Variants in ARID3A observed in about 807,000 individuals in gnomAD.
The protein encoded by ARID3A is AT-rich interaction domain 3A.
Under a neutral mutation model 52.7 loss-of-function variants are expected in ARID3A, and 11 were observed. The ratio of observed to expected loss-of-function variants is 0.21; its 90% confidence interval spans 0.13 to 0.35. The LOEUF is 0.35. Among genes scored for constraint, ARID3A ranks in the 10% least tolerant of loss-of-function variants. ARID3A has a pLI of 1.00. For synonymous variants in ARID3A, 404 were observed against 359.4 expected (o/e 1.12, Z -1.40); for missense variants, 721 against 838.5 (o/e 0.86, Z 1.73).
chr19:949,193 C>T (rs563751485), intron 3 of ARID3A, among the ~76,000 whole-genome samples: 6,703 of 152,228 alleles, frequency 0.044, 301 homozygotes, highest in African/African-American at 0.12. Context: ...AGAGCAGGGC[C>T]CCAGGGGTGT....
At position 974,790 on chromosome 19, in the gene ARID3A, C is replaced by T. The variant is rs1401502604; in HGVS notation, c.*2725C>T. The T allele has an allele frequency of 5.1e-5, 11 of 215,960 alleles. No homozygotes were observed. The highest frequency in any genetic ancestry group is 1.9e-4 in the South Asian group (1 of 5,228). 13.4% of individuals were successfully genotyped at this position (215,960 alleles called of 1,614,324 possible). A position where few individuals can be genotyped will look rare whatever the true frequency, so the allele number is the denominator to read the frequency against. The stretch of plus-strand genomic sequence containing the variant: ...CGTGTCTGTGGGCGATCCGGCCTCC[C>T]GGCGGTGGGTGGACCTGGATTCTAA... On this transcript the variant is annotated 3_prime_UTR_variant, in exon 9 of 9. Coordinates refer to ENST00000263620, the MANE Select transcript of ARID3A (RefSeq NM_005224.3).
chr19:970,256 T>C (rs1251578052), intron 8 of ARID3A, among the ~76,000 whole-genome samples: 1 of 151,572 alleles, frequency 6.6e-6, no homozygotes, highest in Non-Finnish European at 1.5e-5. Context: ...AAGGTTGCAG[T>C]GAGCCGAGAT....
At chr19:939,413 G>T (rs760918000) in intron 3 of ARID3A, among the ~76,000 whole-genome samples, 1 of 152,096 alleles carries the variant, frequency 6.6e-6, no homozygotes, top group African/African-American at 2.4e-5. Flanking sequence ...CACCGCGCCC[G>T]GCCTCTCGAT....
chr19:932,429 G>A lies in ARID3A; in HGVS notation c.380G>A (p.Trp127Ter), dbSNP rs776667346. The A allele has an allele frequency of 6.3e-7, 1 of 1,591,950 alleles. No homozygotes were observed. Reference sequence around the variant, plus strand: ...TCTGCTCACCCCAGGAAGCCCAAATGGGAGGAGGAGGAGATGGAGGAAGAC... The same window carrying A: ...TCTGCTCACCCCAGGAAGCCCAAATAGGAGGAGGAGGAGATGGAGGAAGAC... ...MASDEDMKPK[W>*]EEEEMEEDLG... Residue 127 changes from tryptophan (W) to a stop codon, truncating the protein, a stop_gained, in exon 3 of 9, where the codon TGG becomes TAG. Coordinates refer to ENST00000263620, the MANE Select transcript of ARID3A (RefSeq NM_005224.3). LOFTEE classifies it high-confidence loss of function.
rs544004819 is a variant in ARID3A, at chr19:949,600, G to A, written c.694-10492G>A. 8.7e-4 allele frequency among the ~76,000 whole-genome samples: 132 copies of A among 151,026 alleles called. 4 individuals are homozygous for A. The South Asian group carries it at 0.014, about 16-fold the overall frequency. ...GCTGGGATTATAGGCAGGAGCCGCC[G>A]CCCCTGGCCTTTCCCCTCCCTCCAG... On this transcript the variant is annotated intron_variant, in intron 3 of 8. Coordinates refer to ENST00000263620, the MANE Select transcript of ARID3A (RefSeq NM_005224.3).
At chr19:955,030 T>C (rs1255713976) in intron 3 of ARID3A, among the ~76,000 whole-genome samples, 2 of 152,094 alleles carry the variant, frequency 1.3e-5, no homozygotes, top group Non-Finnish European at 2.9e-5. Flanking sequence ...GGGTGTGTGG[T>C]GGGCGGCTGA....
chr19:954,312 G>A (rs894992648), intron 3 of ARID3A, among the ~76,000 whole-genome samples: 23 of 152,332 alleles, frequency 1.5e-4, no homozygotes, highest in African/African-American at 5.5e-4. Flanking sequence ...CTGGGAAGGG[G>A]AGACGATGGG....
chr19:929,452 G>A lies in ARID3A; in HGVS notation c.-77G>A. 1 of 1,313,666 alleles carries A rather than the reference G, an allele frequency of 7.6e-7. No homozygotes were observed. Among genetic ancestry groups the A allele is most frequent in the Non-Finnish European group, 9.7e-7 (1 of 1,028,088 alleles). The allele number at this position is 1,313,666 out of a possible 1,614,324, so 81.4% of individuals were successfully genotyped here. A position where few individuals can be genotyped will look rare whatever the true frequency, so the allele number is the denominator to read the frequency against. Reference sequence around the variant, plus strand: ...TGCGGCCGGGCCCCCTCCCCGCAGGGGCCGCCCCCGCCGCCCACCCCTAGC... The same window carrying A: ...TGCGGCCGGGCCCCCTCCCCGCAGGAGCCGCCCCCGCCGCCCACCCCTAGC... On this transcript the variant is annotated 5_prime_UTR_variant, in exon 2 of 9. Coordinates refer to ENST00000263620, the MANE Select transcript of ARID3A (RefSeq NM_005224.3). The surrounding 1 kb of genome is among the most constrained non-coding windows in gnomAD (Gnocchi z 6.2).
rs2038364354 is a variant in ARID3A, at chr19:975,707, G to A, written c.*3642G>A. 1 of 162,098 alleles carries A rather than the reference G, an allele frequency of 6.2e-6. No individual in the cohort carries two copies. Among genetic ancestry groups the A allele is most frequent in the African/African-American group, 2.8e-5 (1 of 35,836 alleles). 10.0% of individuals were successfully genotyped at this position (162,098 alleles called of 1,614,324 possible). On this transcript the variant is annotated 3_prime_UTR_variant, in exon 9 of 9. Transcript: ENST00000263620. ...GGCAGGGTGGCCTGTAACAATTTCA[G>A]TTTTCGCAGAACATTCAGGTATTAA...
intron 6 of ARID3A, among the ~76,000 whole-genome samples, chr19:965,685 A>T (rs2038133818): frequency 2.0e-5 from 3 of 151,974 alleles, no homozygotes; most frequent in Admixed American, 2.0e-4. Flanking sequence ...CAGTAGTGAG[A>T]CCCAGTCTAA....
rs747064662 is a variant in ARID3A at position 971,976 on chromosome 19, G to T, written c.1693G>T (p.Gly565Ter). 2 of 1,602,784 alleles carry T rather than the reference G, an allele frequency of 1.2e-6. No homozygotes were observed. Among genetic ancestry groups the T allele is most frequent in the Admixed American group, 3.4e-5 (2 of 58,410 alleles). Residue 565 changes from glycine to a stop codon, truncating the protein, a stop_gained, in exon 9 of 9, where the codon GGA (glycine) becomes TGA (stop). Coordinates refer to ENST00000263620, the MANE Select transcript of ARID3A (RefSeq NM_005224.3). LOFTEE classifies it low-confidence loss of function (END_TRUNC). ...GGSSSNAGGR[G>*]GNTGTSGGQA... ...CAGCAGCAGCAACGCAGGCGGCCGG[G>T]GAGGAAACACCGGAACCAGCGGCGG...
At chr19:970,388 T>C (rs1053627051) in intron 8 of ARID3A, among the ~76,000 whole-genome samples, 2 of 151,906 alleles carry the variant, frequency 1.3e-5, no homozygotes, top group Admixed American at 6.6e-5. Context: ...GGCCCACGCC[T>C]GTAATCCCAA....
At position 973,760 on chromosome 19, in the gene ARID3A, G is replaced by A. The variant is rs575178795; in HGVS notation, c.*1695G>A. 1.3e-5 allele frequency: 3 copies of A among 228,788 alleles called. No homozygotes were observed. The highest frequency in any genetic ancestry group is 5.7e-5 in the Admixed American group (1 of 17,654). The allele number at this position is 228,788 out of a possible 1,614,324, so 14.2% of individuals were successfully genotyped here. A position where few individuals can be genotyped will look rare whatever the true frequency, so the allele number is the denominator to read the frequency against. ...TGACTAAATCGAGGCCGAGAAGGGA[G>A]GCTGCCCCCCACCACCCTGTGGGTC... On this transcript the variant is annotated 3_prime_UTR_variant, in exon 9 of 9. Coordinates refer to ENST00000263620, the MANE Select transcript of ARID3A (RefSeq NM_005224.3).
chr19:932,439 G>A lies in ARID3A; in HGVS notation c.390G>A (p.Glu130=), dbSNP rs775520957. 3.1e-6 allele frequency: 5 copies of A among 1,589,666 alleles called. No individual in the cohort carries two copies. Among genetic ancestry groups the A allele is most frequent in the Non-Finnish European group, 4.3e-6 (5 of 1,173,728 alleles). ...DEDMKPKWEE[E]EMEEDLGEDE... ...CCAGGAAGCCCAAATGGGAGGAGGA[G>A]GAGATGGAGGAAGACCTCGGGGAGG... is the stretch of plus-strand genomic sequence containing the variant. The change falls in exon 3 of 9, where the codon GAG becomes GAA. Residue 130 remains glutamate (E), a synonymous_variant. Transcript: ENST00000263620.
In ARID3A at chr19:960,303, G is replaced by T; in HGVS notation, c.766+139G>T. On this transcript the variant is annotated intron_variant, in intron 4 of 8. Coordinates refer to ENST00000263620, the MANE Select transcript of ARID3A (RefSeq NM_005224.3). The surrounding 1 kb of genome is among the most constrained non-coding windows in gnomAD (Gnocchi z 4.3). ...CATCCAAGGCTCCTAAATCGGGAGG[G>T]ACTTCAGGGGTGTCTTGGGGGGAAA... 1 of 686,730 alleles carries T rather than the reference G, an allele frequency of 1.5e-6. No homozygotes were observed. 42.5% of individuals were successfully genotyped at this position (686,730 alleles called of 1,614,324 possible). A position where few individuals can be genotyped will look rare whatever the true frequency, so the allele number is the denominator to read the frequency against.
intron 3 of ARID3A, among the ~76,000 whole-genome samples, chr19:946,265 T>C (rs1192496184): frequency 6.6e-6 from 1 of 151,616 alleles, no homozygotes; most frequent in Non-Finnish European, 1.5e-5. Context: ...TTTATTTATT[T>C]ATGTATTTAT....
chr19:958,419 C>A (rs1178085596), intron 3 of ARID3A, among the ~76,000 whole-genome samples: 2 of 97,958 alleles, frequency 2.0e-5, no homozygotes, highest in African/African-American at 3.9e-5. Context: ...CAGAGCGAGA[C>A]TCCATCTCAA....
chr19:931,676 G>A (rs2037331583), intron 2 of ARID3A, among the ~76,000 whole-genome samples: 1 of 151,940 alleles, frequency 6.6e-6, no homozygotes, highest in Admixed American at 6.6e-5. Flanking sequence ...AGCCAGGCGT[G>A]GTGGCGGGCG....
At position 973,052 on chromosome 19, in the gene ARID3A, C is replaced by T. The variant is rs1459471927; in HGVS notation, c.*987C>T. On this transcript the variant is annotated 3_prime_UTR_variant, in exon 9 of 9. Coordinates refer to ENST00000263620, the MANE Select transcript of ARID3A (RefSeq NM_005224.3). ...TTGCTGACTGTGATATTCCACGATG[C>T]TTTTGCTTGTGCCGTGCTTGTCTGC... 1 of 172,384 alleles carries T rather than the reference C, an allele frequency of 5.8e-6. No homozygotes were observed. Among genetic ancestry groups the T allele is most frequent in the Non-Finnish European group, 1.2e-5 (1 of 83,514 alleles). The allele number at this position is 172,384 out of a possible 1,614,324, so 10.7% of individuals were successfully genotyped here.
Sources: gnomAD v4.1 joint callset for allele counts (sites outside exome capture counted in the v4.1 genomes callset) on GRCh38, gnomAD v4.1.1 for gene constraint, Gnocchi (gnomAD v3.1) non-coding constraint, MANE v1.5 for transcripts, NCBI Gene and HGNC (gene_info 2026-07-23, HGNC 2026-07-21) for gene names.